Variants in UBXN2A observed in about 807,000 individuals in gnomAD.
The protein encoded by UBXN2A is UBX domain protein 2A.
Under a neutral mutation model 28.4 loss-of-function variants are expected in UBXN2A, and 28 were observed. The observed-to-expected ratio is 0.99, with a 90% confidence interval of 0.73 to 1.35. UBXN2A has a LOEUF of 1.35. UBXN2A is among the 40% of genes most tolerant of loss of function. The probability of loss-of-function intolerance (pLI) is 0.00; values close to 1 mark genes in which losing one functional copy is unlikely to be tolerated. For missense variants in UBXN2A, 253 were observed against 297.9 expected, an observed-to-expected ratio of 0.85 and a Z score of 1.11; for synonymous variants, 97 against 103.6, an observed-to-expected ratio of 0.94 and a Z score of 0.39.
intron 6 of UBXN2A, 26 bp downstream of exon 6, chr2:23,984,857 T>A: frequency 6.5e-7 from 1 of 1,533,984 alleles, no homozygotes; most frequent in Non-Finnish European, 8.7e-7. Flanking sequence ...CAGTATTTGA[T>A]ATTTTTTCAC....
At chr2:23,970,033 C>T (rs556925419) in intron 2 of UBXN2A, among the ~76,000 whole-genome samples, 3 of 152,210 alleles carry the variant, frequency 2.0e-5, no homozygotes, top group African/African-American at 7.2e-5. Flanking sequence ...GGCTCACACC[C>T]GTAGTCCCAG....
At chr2:23,951,050 TA>T (rs1706338808) in intron 1 of UBXN2A, among the ~76,000 whole-genome samples, 1 of 152,158 alleles carries the variant, frequency 6.6e-6, no homozygotes, top group African/African-American at 2.4e-5. Context: ...AGTACTTATG[TA>T]CATTATGGAA....
At position 23,961,496 on chromosome 2, in the gene UBXN2A, T is replaced by C. The variant is rs199670042; in HGVS notation, c.41+3141T>C. The stretch of plus-strand genomic sequence containing the variant: ...ACAAAAGTGGATTTGTAAAAATGTT[T>C]TGTTAAAAACAATGGTCCAGGGAAA... On this transcript the variant is annotated intron_variant, in intron 2 of 6. Coordinates refer to ENST00000309033, the MANE Select transcript of UBXN2A (RefSeq NM_181713.4). Among the ~76,000 whole-genome samples the C allele has an allele frequency of 5.9e-5, 9 of 152,140 alleles. No individual in the cohort carries two copies. The East Asian group carries it at 1.7e-3, about 29-fold the overall frequency.
chr2:23,991,430 CAT>C (rs1178415311), intron 6 of UBXN2A, among the ~76,000 whole-genome samples: 170 of 147,158 alleles, frequency 1.2e-3, no homozygotes, highest in African/African-American at 3.7e-3. Context: ...CACACACACA[CAT>C]ATACATATAT....
chr2:23,955,802 G>C (rs1423690914), intron 1 of UBXN2A, among the ~76,000 whole-genome samples: 1 of 152,204 alleles, frequency 6.6e-6, no homozygotes, highest in African/African-American at 2.4e-5. Flanking sequence ...TGTATATGCA[G>C]TCCGTCATTG....
chr2:23,949,214 G>T (rs540044200), intron 1 of UBXN2A, among the ~76,000 whole-genome samples: 1 of 143,814 alleles, frequency 7.0e-6, no homozygotes, highest in Non-Finnish European at 1.5e-5. Context: ...CGCCTGCCTT[G>T]GCCTCCCAAA....
chr2:23,965,708 G>C (rs545069830), intron 2 of UBXN2A, among the ~76,000 whole-genome samples: 2 of 152,120 alleles, frequency 1.3e-5, no homozygotes, highest in Non-Finnish European at 2.9e-5. Context: ...TTTAGTATTA[G>C]CATAGTGTTA....
chr2:23,961,793 G>C (rs1164658274), intron 2 of UBXN2A, among the ~76,000 whole-genome samples: 1 of 149,954 alleles, frequency 6.7e-6, no homozygotes, highest in Non-Finnish European at 1.5e-5. Flanking sequence ...TGATCTGCCT[G>C]CCTCGGACTC....
upstream of UBXN2A, among the ~76,000 whole-genome samples, chr2:23,938,014 T>C (rs1705580312): frequency 6.6e-6 from 1 of 152,174 alleles, no homozygotes; most frequent in Non-Finnish European, 1.5e-5. Flanking sequence ...ACAGTAAAAA[T>C]ATGGCCTTAT....
At chr2:23,989,904 C>CA (rs1238012279) in intron 6 of UBXN2A, among the ~76,000 whole-genome samples, 5 of 152,036 alleles carry the variant, frequency 3.3e-5, no homozygotes. Flanking sequence ...GACCTTGTCT[C>CA]AAAAAATATC....
intron 6 of UBXN2A, among the ~76,000 whole-genome samples, chr2:23,997,965 C>G (rs1274370958): frequency 6.6e-6 from 1 of 151,936 alleles, no homozygotes; most frequent in Non-Finnish European, 1.5e-5. Context: ...GTGACCACCA[C>G]CACACCCAGA....
At chr2:23,983,907 C>T (rs766170785) in intron 5 of UBXN2A, among the ~76,000 whole-genome samples, 1 of 152,120 alleles carries the variant, frequency 6.6e-6, no homozygotes, top group Non-Finnish European at 1.5e-5. Flanking sequence ...AACTCCTGAC[C>T]GCAGGTGATC....
chr2:23,937,820 T>A (rs901932272), upstream of UBXN2A, among the ~76,000 whole-genome samples: 2 of 152,340 alleles, frequency 1.3e-5, no homozygotes, highest in Middle Eastern at 6.8e-3. Context: ...TGTAAGTGAA[T>A]TCGTCGTTGT....
chr2:23,988,355 A>G (rs886163606), intron 6 of UBXN2A, among the ~76,000 whole-genome samples: 2 of 152,176 alleles, frequency 1.3e-5, no homozygotes, highest in East Asian at 3.8e-4. Flanking sequence ...ACCTTCCTTT[A>G]TAGCAAAAGG....
rs145439534 is a variant in UBXN2A, at chr2:23,969,189, C to T, written c.42-2087C>T. Among the ~76,000 whole-genome samples, 340 of 152,112 alleles carry T rather than the reference C, an allele frequency of 2.2e-3. 2 individuals are homozygous for T. The highest frequency in any genetic ancestry group is 8.0e-3 in the African/African-American group (331 of 41,514). On this transcript the variant is annotated intron_variant, in intron 2 of 6. Transcript: ENST00000309033. Reference sequence around the variant, plus strand: ...TACAGGCATGAGCTACCTCACCCAGCTGATATTTCTTCTATAAAGAAATAA... The same window carrying T: ...TACAGGCATGAGCTACCTCACCCAGTTGATATTTCTTCTATAAAGAAATAA...
intron 1 of UBXN2A, among the ~76,000 whole-genome samples, chr2:23,948,288 T>A (rs1706194385): frequency 6.7e-6 from 1 of 149,890 alleles, no homozygotes; most frequent in East Asian, 1.9e-4. Flanking sequence ...AGTCTCACTC[T>A]TGTTGCCCAG....
intron 1 of UBXN2A, among the ~76,000 whole-genome samples, chr2:23,946,150 T>C (rs1706065488): frequency 6.6e-6 from 1 of 151,954 alleles, no homozygotes; most frequent in African/African-American, 2.4e-5. Flanking sequence ...TTCTTTTGTT[T>C]ATTTATTTAT....
rs1344662410 is a variant in UBXN2A, at chr2:24,001,012, A to T, written c.*1145A>T. The T allele has an allele frequency of 6.6e-6, 1 of 152,154 alleles. No homozygotes were observed. Among genetic ancestry groups the T allele is most frequent in the Admixed American group, 6.6e-5 (1 of 15,252 alleles). 9.4% of individuals were successfully genotyped at this position (152,154 alleles called of 1,614,324 possible). ...TCTGTTTCTTTTTCGTTTGTTTGAG[A>T]TGGAGTTTCGCTCTTGTTGCCCAGG... On this transcript the variant is annotated 3_prime_UTR_variant, in exon 7 of 7. Transcript: ENST00000309033.
chr2:23,977,596 G>A (rs746743916), intron 4 of UBXN2A, among the ~76,000 whole-genome samples: 1 of 152,042 alleles, frequency 6.6e-6, no homozygotes, highest in Non-Finnish European at 1.5e-5. Flanking sequence ...GGCCAAGATT[G>A]CACCATTGCA....
Sources: allele counts gnomAD v4.1 joint callset (sites outside exome capture counted in the v4.1 genomes callset), GRCh38; gene constraint gnomAD v4.1.1; transcripts MANE v1.5; gene names NCBI Gene and HGNC (gene_info 2026-07-23, HGNC 2026-07-21).